Variants in USP44 observed in about 807,000 individuals in gnomAD.
USP44 encodes the protein ubiquitin carboxyl-terminal hydrolase 44.
A neutral mutation model predicts 69.0 loss-of-function variants in USP44; 61 were observed. The ratio of observed to expected loss-of-function variants is 0.88; its 90% confidence interval spans 0.72 to 1.09. USP44 has a LOEUF of 1.09. USP44 is among the 50% of genes least tolerant of loss of function. The pLI, the probability that USP44 is intolerant of heterozygous loss-of-function variation, is 0.00. For synonymous variants in USP44, 297 were observed against 295.4 expected (o/e 1.01, Z -0.06); for missense variants, 753 against 849.9 (o/e 0.89, Z 1.42).
chr12:95,536,179 A>G (rs932958043), intron 1 of USP44, among the ~76,000 whole-genome samples: 1 of 151,494 alleles, frequency 6.6e-6, no homozygotes, highest in Non-Finnish European at 1.5e-5. Context: ...AGTAGCTGAG[A>G]CCACAGGCAT....
intron 5 of USP44, 95 bp from the exon 6 acceptor site, chr12:95,518,448 A>C: frequency 8.1e-7 from 1 of 1,237,138 alleles, no homozygotes; most frequent in Non-Finnish European, 1.1e-6. Context: ...AGGGAAAATA[A>C]TTTTCTAGCC....
chr12:95,526,530 C>T (rs1305918052), intron 3 of USP44, among the ~76,000 whole-genome samples: 1 of 152,110 alleles, frequency 6.6e-6, no homozygotes, highest in Admixed American at 6.6e-5. Flanking sequence ...CGAGACTGTG[C>T]CACTGCACTC....
At chr12:95,539,078 T>C (rs2077299600) in intron 1 of USP44, among the ~76,000 whole-genome samples, 1 of 152,220 alleles carries the variant, frequency 6.6e-6, no homozygotes, top group South Asian at 2.1e-4. Context: ...ATAGGATGCT[T>C]GAAATGAAAT....
intron 4 of USP44, chr12:95,522,065 T>G (rs973624141): frequency 1.0e-6 from 1 of 985,348 alleles, no homozygotes; most frequent in Non-Finnish European, 1.2e-6. Context: ...TTCCCATTAC[T>G]GGATCTCAGC....
chr12:95,522,690 A>G (rs578239978), intron 4 of USP44, among the ~76,000 whole-genome samples: 1 of 151,650 alleles, frequency 6.6e-6, no homozygotes, highest in South Asian at 2.1e-4. Context: ...AGGCAGGAGA[A>G]TCGCTTGAAC....
At chr12:95,526,957 T>G (rs1283968197) in intron 3 of USP44, among the ~76,000 whole-genome samples, 1 of 152,126 alleles carries the variant, frequency 6.6e-6, no homozygotes, top group Non-Finnish European at 1.5e-5. Context: ...TTTGGTTACA[T>G]AAATAAGTTC....
In USP44 at chr12:95,528,928, T is replaced by C. The variant is rs2076935979; in HGVS notation, c.1503A>G (p.Glu501=). 6.2e-7 allele frequency: 1 copy of C among 1,614,074 alleles called. No individual in the cohort carries two copies. Among genetic ancestry groups the C allele is most frequent in the East Asian group, 2.2e-5 (1 of 44,846 alleles). ...PFWDLSLEFP[E]RYQCSGKDIA... ...TATCTTTTCCACTGCATTGATACCT[T>C]TCTGGAAACTCCAATGACAAGTCCC... Residue 501 remains glutamate (E), a synonymous_variant, in exon 3 of 6, where the codon GAA becomes GAG. Transcript: ENST00000258499.
chr12:95,531,973 T>C (rs1460870883), intron 2 of USP44, among the ~76,000 whole-genome samples: 1 of 152,158 alleles, frequency 6.6e-6, no homozygotes, highest in Non-Finnish European at 1.5e-5. Flanking sequence ...AGGAAACTTT[T>C]GAGTAGTAAT....
intron 1 of USP44, among the ~76,000 whole-genome samples, chr12:95,549,852 A>G (rs1298570173): frequency 2.6e-5 from 4 of 152,150 alleles, no homozygotes; most frequent in Non-Finnish European, 5.9e-5. Flanking sequence ...GGAGCGGCAC[A>G]GGATTCTAAC....
At chr12:95,527,511 G>T (rs1358607115) in intron 3 of USP44, among the ~76,000 whole-genome samples, 1 of 152,064 alleles carries the variant, frequency 6.6e-6, no homozygotes, top group East Asian at 1.9e-4. Context: ...TTGAGACAGA[G>T]GCTTGTTCTG....
At chr12:95,524,243 G>C (rs1592677792) in intron 4 of USP44, among the ~76,000 whole-genome samples, 1 of 151,824 alleles carries the variant, frequency 6.6e-6, no homozygotes, top group African/African-American at 2.4e-5. Context: ...ACCATGCCCG[G>C]CTACAGTTTT....
chr12:95,540,808 C>T (rs1461755621), intron 1 of USP44, among the ~76,000 whole-genome samples: 1 of 152,152 alleles, frequency 6.6e-6, no homozygotes, highest in African/African-American at 2.4e-5. Context: ...GGATTGTCTC[C>T]TGCATACTAT....
chr12:95,517,736 C>G lies in USP44; in HGVS notation c.*418G>C, dbSNP rs2076519517. The G allele has an allele frequency of 2.5e-5, 4 of 160,444 alleles. No individual in the cohort carries two copies. Among genetic ancestry groups the G allele is most frequent in the Admixed American group, 1.2e-4 (2 of 16,704 alleles). The allele number at this position is 160,444 out of a possible 1,614,324, so 9.9% of individuals were successfully genotyped here. A position where few individuals can be genotyped will look rare whatever the true frequency, so the allele number is the denominator to read the frequency against. The stretch of plus-strand genomic sequence containing the variant: ...TCAATAACTCCAAGGGGCAAGGTAA[C>G]TTCAATATACAAATGAAAGACTATT... On this transcript the variant is annotated 3_prime_UTR_variant, in exon 6 of 6. Coordinates refer to ENST00000258499, the MANE Select transcript of USP44 (RefSeq NM_032147.5).
intron 1 of USP44, among the ~76,000 whole-genome samples, 154 bp downstream of exon 1, chr12:95,551,118 A>G (rs1306809191): frequency 6.6e-6 from 1 of 152,044 alleles, no homozygotes; most frequent in African/African-American, 2.4e-5. Flanking sequence ...TTTTATTTTT[A>G]CATAGCAATC....
At chr12:95,536,717 A>G (rs1056252177) in intron 1 of USP44, among the ~76,000 whole-genome samples, 4 of 152,162 alleles carry the variant, frequency 2.6e-5, no homozygotes, top group Admixed American at 6.5e-5. Context: ...TGGTCTCTCC[A>G]CTTCTGTCCT....
At chr12:95,538,283 A>AG (rs2077270806) in intron 1 of USP44, among the ~76,000 whole-genome samples, 1 of 152,202 alleles carries the variant, frequency 6.6e-6, no homozygotes, top group African/African-American at 2.4e-5. Flanking sequence ...TAATACCAAT[A>AG]GGGTTGTTGA....
intron 5 of USP44, among the ~76,000 whole-genome samples, chr12:95,519,447 T>A (rs915742200): frequency 5.0e-5 from 7 of 139,632 alleles, no homozygotes; most frequent in African/African-American, 1.9e-4. Context: ...TTTTTTTTTT[T>A]TTTTTTTTTT....
Position 95,524,738 on chromosome 12 carries a change from T to C in USP44, c.1675A>G (p.Lys559Glu). 1 of 1,612,542 alleles carries C rather than the reference T, an allele frequency of 6.2e-7. No individual in the cohort carries two copies. Among genetic ancestry groups the C allele is most frequent in the Non-Finnish European group, 8.5e-7 (1 of 1,179,480 alleles). ...SKPVVLTEAQKQLMICHLPQV... is the reference protein window; with the variant it reads ...SKPVVLTEAQEQLMICHLPQV... Reference sequence around the variant, plus strand: ...GGTAGGTGGCATATCATAAGTTGTTTCTGGGCTTCTGTGAGTACAACTGGT... The same window carrying C: ...GGTAGGTGGCATATCATAAGTTGTTCCTGGGCTTCTGTGAGTACAACTGGT... The change falls in exon 4 of 6, where the codon AAA becomes GAA. Residue 559 changes from lysine (K) to glutamate (E), a missense_variant. Physicochemically the swap from Lys to Glu is moderately conservative, Grantham distance 56. Coordinates refer to ENST00000258499, the MANE Select transcript of USP44 (RefSeq NM_032147.5).
chr12:95,528,569 T>A (rs937145830), intron 3 of USP44, among the ~76,000 whole-genome samples: 1 of 152,240 alleles, frequency 6.6e-6, no homozygotes, highest in Non-Finnish European at 1.5e-5. Context: ...AAACTTGTTA[T>A]GAATCTTCTC....
Sources: allele counts gnomAD v4.1 joint callset (sites outside exome capture counted in the v4.1 genomes callset), GRCh38; gene constraint gnomAD v4.1.1; transcripts MANE v1.5; gene names NCBI Gene and HGNC (gene_info 2026-07-23, HGNC 2026-07-21).